The following ACOT12 variants were observed in gnomAD, a reference collection of about 807,000 sequenced individuals.
The protein encoded by ACOT12 is acetyl-coenzyme A thioesterase.
In ACOT12, 51 loss-of-function variants were observed where a neutral mutation model predicts 67.7. That is an observed-to-expected ratio of 0.75 (90% CI 0.60 to 0.95). The LOEUF (loss-of-function observed/expected upper bound fraction) is 0.95. Ranked by LOEUF, ACOT12 falls within the 40% of genes least tolerant of loss-of-function variation. The pLI, the probability that ACOT12 is intolerant of heterozygous loss-of-function variation, is 0.00. For missense variants in ACOT12, 734 were observed against 708.1 expected (o/e 1.04, Z -0.41); for synonymous variants, 251 against 244.6 (o/e 1.03, Z -0.24).
chr5:81,353,883 G>T (rs930837404), intron 5 of ACOT12, among the ~76,000 whole-genome samples: 8 of 152,114 alleles, frequency 5.3e-5, no homozygotes, highest in African/African-American at 1.7e-4. Flanking sequence ...TAAAAACATG[G>T]TACAAGAACA....
chr5:81,375,157 G>A (rs534879142), intron 2 of ACOT12, among the ~76,000 whole-genome samples: 99 of 152,308 alleles, frequency 6.5e-4, no homozygotes, highest in African/African-American at 2.2e-3. Flanking sequence ...CAGAAACCCT[G>A]CAAGCCAGAA....
At chr5:81,355,756 T>A (rs1043630029) in intron 5 of ACOT12, among the ~76,000 whole-genome samples, 5 of 152,130 alleles carry the variant, frequency 3.3e-5, no homozygotes, top group African/African-American at 1.2e-4. Flanking sequence ...TTGGGTTGAG[T>A]GGGCCGATGG....
At chr5:81,391,206 G>A (rs1290691373) in intron 1 of ACOT12, among the ~76,000 whole-genome samples, 1 of 152,132 alleles carries the variant, frequency 6.6e-6, no homozygotes, top group African/African-American at 2.4e-5. Flanking sequence ...AGATTTTAGG[G>A]CTCTGTCTCT....
chr5:81,332,365 C>T, intron 13 of ACOT12, 112 bp downstream of exon 13: 2 of 1,202,850 alleles, frequency 1.7e-6, no homozygotes, highest in Non-Finnish European at 1.1e-6. Context: ...TTCAAATAAA[C>T]ATAATTCAAG....
intron 2 of ACOT12, among the ~76,000 whole-genome samples, chr5:81,372,493 T>C (rs568985958): frequency 6.6e-6 from 1 of 152,138 alleles, no homozygotes; most frequent in Non-Finnish European, 1.5e-5. Flanking sequence ...GAAAGAGGGA[T>C]CTCTTGAGAC....
At chr5:81,366,171 A>G (rs926962023) in intron 3 of ACOT12, among the ~76,000 whole-genome samples, 1 of 152,216 alleles carries the variant, frequency 6.6e-6, no homozygotes, top group African/African-American at 2.4e-5. Context: ...TCTTCCATAG[A>G]AGAGTTTAAA....
intron 4 of ACOT12, 65 bp downstream of exon 4, chr5:81,363,723 T>C: frequency 1.6e-6 from 2 of 1,228,304 alleles, no homozygotes; most frequent in Non-Finnish European, 2.3e-6. Flanking sequence ...TCTATAACAT[T>C]CTGATGCAAT....
At chr5:81,320,958 T>C in the ACOT12 span, among the ~76,000 whole-genome samples, 1 of 152,160 alleles carries the variant, frequency 6.6e-6, no homozygotes, top group Admixed American at 6.6e-5. Flanking sequence ...TCTGGTTCAA[T>C]AGATAGTGCC....
chr5:81,310,624 T>C, the ACOT12 span, among the ~76,000 whole-genome samples: 2,693 of 152,302 alleles, frequency 0.018, 41 homozygotes, highest in Admixed American at 0.019. Flanking sequence ...AGAAACCACA[T>C]GTGTTGTAAT....
At chr5:81,336,020 G>A in intron 11 of ACOT12, 119 bp from the exon 12 acceptor site, 1 of 1,111,658 alleles carries the variant, frequency 9.0e-7, no homozygotes. Flanking sequence ...TTATTTCCTG[G>A]ATGAAATTGA....
intron 3 of ACOT12, among the ~76,000 whole-genome samples, chr5:81,368,896 A>G (rs1760160400): frequency 6.6e-6 from 1 of 151,926 alleles, no homozygotes; most frequent in African/African-American, 2.4e-5. Flanking sequence ...AAAATACAGT[A>G]AAGGGCAAAA....
At chr5:81,382,546 C>T (rs1379609009) in intron 2 of ACOT12, among the ~76,000 whole-genome samples, 1 of 152,110 alleles carries the variant, frequency 6.6e-6, no homozygotes, top group Non-Finnish European at 1.5e-5. Context: ...CCTGTAATCC[C>T]AGCACTTTGG....
intron 2 of ACOT12, among the ~76,000 whole-genome samples, chr5:81,382,290 T>C (rs371430659): frequency 4.7e-4 from 72 of 152,322 alleles, no homozygotes; most frequent in African/African-American, 1.6e-3. Context: ...TCTCTACTTC[T>C]CATTTCTACT....
At chr5:81,341,656 G>A (rs1759195405) in intron 11 of ACOT12, among the ~76,000 whole-genome samples, 1 of 152,344 alleles carries the variant, frequency 6.6e-6, no homozygotes, top group South Asian at 2.1e-4. Context: ...TCTGGGTGTA[G>A]TGGTGAGCAG....
chr5:81,343,992 C>T, intron 9 of ACOT12, 111 bp from the exon 10 acceptor site: 3 of 1,224,740 alleles, frequency 2.4e-6, no homozygotes, highest in Non-Finnish European at 3.5e-6. Flanking sequence ...ATCAGTGGAA[C>T]AACGTGGAAG....
chr5:81,332,882 C>T (rs1254746866), intron 12 of ACOT12, among the ~76,000 whole-genome samples: 1 of 151,944 alleles, frequency 6.6e-6, no homozygotes, highest in Non-Finnish European at 1.5e-5. Flanking sequence ...TGGGCAAAAT[C>T]TTGCAAAACC....
intron 4 of ACOT12, among the ~76,000 whole-genome samples, chr5:81,361,394 G>A (rs568359386): frequency 6.6e-6 from 1 of 151,494 alleles, no homozygotes; most frequent in East Asian, 1.9e-4. Flanking sequence ...AGAGATGAGG[G>A]CTCACTATGT....
rs1225198642 is a variant in ACOT12, at chr5:81,345,750, T to C, written c.773+135A>G. On this transcript the variant is annotated intron_variant, in intron 7 of 14. Transcript: ENST00000307624. ...GCAGAACAAAGGGTTAAAAATATGT[T>C]CATGGATTTTGAAAATTGCATGAAA... The C allele has an allele frequency of 2.5e-6, 3 of 1,180,856 alleles. No homozygotes were observed. The East Asian group carries it at 8.2e-5, about 32-fold the overall frequency. The allele number at this position is 1,180,856 out of a possible 1,614,324, so 73.1% of individuals were successfully genotyped here.
rs1759857771 is a variant in ACOT12, at chr5:81,360,085, A to G, written c.361-47T>C. On this transcript the variant is annotated intron_variant, in intron 4 of 14. Coordinates refer to ENST00000307624, the MANE Select transcript of ACOT12 (RefSeq NM_130767.3). Reference sequence around the variant, plus strand: ...TCTTTTATTGCCTTGTTAAATTATAAAAGCACAGCATGAATTTTGCAAAAC... The same window carrying G: ...TCTTTTATTGCCTTGTTAAATTATAGAAGCACAGCATGAATTTTGCAAAAC... 13 of 1,566,772 alleles carry G rather than the reference A, an allele frequency of 8.3e-6. No individual in the cohort carries two copies. In the East Asian group the frequency reaches 3.0e-4, roughly 36 times the overall value.
Sources: gnomAD v4.1 joint callset for allele counts (sites outside exome capture counted in the v4.1 genomes callset) on GRCh38, gnomAD v4.1.1 for gene constraint, MANE v1.5 for transcripts, NCBI Gene and HGNC (gene_info 2026-07-23, HGNC 2026-07-21) for gene names.